Variants in RAD54B observed in about 807,000 individuals in gnomAD.
The protein encoded by RAD54B is DNA repair and recombination protein RAD54B.
A neutral mutation model predicts 95.8 loss-of-function variants in RAD54B; 78 were observed. The observed-to-expected ratio is 0.81, with a 90% CI of 0.68 to 0.98. The LOEUF is 0.98. Ranked by LOEUF, RAD54B falls within the 50% of genes least tolerant of loss-of-function variation. RAD54B has a pLI of 0.00. For missense variants in RAD54B, 957 were observed against 1,056.6 expected, an observed-to-expected ratio of 0.91 and a Z score of 1.31; for synonymous variants, 328 against 354.9, an observed-to-expected ratio of 0.92 and a Z score of 0.85.
rs1810699953 is a variant in RAD54B at position 94,380,191 on chromosome 8, T to A, written c.2201A>T (p.His734Leu). 6.2e-7 allele frequency: 1 copy of A among 1,613,052 alleles called. No homozygotes were observed. Among genetic ancestry groups the A allele is most frequent in the Non-Finnish European group, 8.5e-7 (1 of 1,179,212 alleles). ...CCAATCAATGTCATAGAGAATTAAG[T>A]GAGATCCTCCAATGAGGTTAAGTCC... ...GVGLNLIGGS[H>L]LILYDIDWNP... Residue 734 changes from histidine (H) to leucine (L), a missense_variant, in exon 12 of 15, where the codon CAC becomes CTC. Transcript: ENST00000336148.
intron 3 of RAD54B, among the ~76,000 whole-genome samples, chr8:94,440,014 G>A (rs1358292984): frequency 6.6e-6 from 1 of 152,162 alleles, no homozygotes; most frequent in Non-Finnish European, 1.5e-5. Flanking sequence ...GGCTTTGCAC[G>A]ACCATTTCAA....
chr8:94,468,072 C>T (rs72674819), intron 1 of RAD54B: 5 of 152,192 alleles, frequency 3.3e-5, no homozygotes, highest in African/African-American at 1.2e-4. Flanking sequence ...AGTTTTTAGA[C>T]AGAGCTTCAC....
At chr8:94,439,964 G>A (rs1812361509) in intron 3 of RAD54B, among the ~76,000 whole-genome samples, 2 of 152,208 alleles carry the variant, frequency 1.3e-5, no homozygotes, top group East Asian at 3.8e-4. Flanking sequence ...CAAGGGGAAA[G>A]TGGATTCTCT....
intron 3 of RAD54B, chr8:94,429,326 A>C (rs1034405527): frequency 2.0e-6 from 1 of 494,830 alleles, no homozygotes. Flanking sequence ...TTGTATATAC[A>C]TAATTTTTAC....
At chr8:94,421,925 T>C (rs1563650398) in intron 3 of RAD54B, among the ~76,000 whole-genome samples, 2 of 152,250 alleles carry the variant, frequency 1.3e-5, no homozygotes, top group Non-Finnish European at 2.9e-5. Flanking sequence ...TAAATGTGAA[T>C]CTGATAAAGT....
intron 5 of RAD54B, among the ~76,000 whole-genome samples, chr8:94,406,776 C>T (rs183069168): frequency 6.6e-6 from 1 of 152,164 alleles, no homozygotes; most frequent in East Asian, 1.9e-4. Context: ...TACTTTGATT[C>T]GGATTACTTG....
intron 3 of RAD54B, among the ~76,000 whole-genome samples, chr8:94,443,750 C>T (rs1485794212): frequency 6.6e-6 from 1 of 151,906 alleles, no homozygotes; most frequent in East Asian, 1.9e-4. Flanking sequence ...TCCAGAAACC[C>T]TCTTTTGGAA....
rs374610274 is a variant in RAD54B at position 94,414,252 on chromosome 8, T to C, written c.305-2937A>G. On this transcript the variant is annotated intron_variant, in intron 3 of 14. Coordinates refer to ENST00000336148, the MANE Select transcript of RAD54B (RefSeq NM_012415.3). ...CTGAGACAGTGAGGTTTTCTAGATATACAATCATGCCGTCTGCAAACAGGG... is the reference window on the plus strand; with the variant it reads ...CTGAGACAGTGAGGTTTTCTAGATACACAATCATGCCGTCTGCAAACAGGG... 8.5e-5 allele frequency among the ~76,000 whole-genome samples: 13 copies of C among 152,336 alleles called. No homozygotes were observed. In the South Asian group the frequency reaches 1.2e-3, roughly 15 times the overall value.
chr8:94,405,942 T>C (rs192234108), intron 5 of RAD54B, among the ~76,000 whole-genome samples: 2 of 151,950 alleles, frequency 1.3e-5, no homozygotes, highest in East Asian at 1.9e-4. Flanking sequence ...CCTAATTCTA[T>C]CCTTGGCTAA....
intron 2 of RAD54B, among the ~76,000 whole-genome samples, chr8:94,462,726 C>A (rs1360752392): frequency 1.3e-5 from 2 of 152,152 alleles, no homozygotes; most frequent in Admixed American, 6.5e-5. Context: ...TTTTAGGCTT[C>A]TCATGTTACC....
intron 3 of RAD54B, among the ~76,000 whole-genome samples, chr8:94,423,041 A>C (rs918719178): frequency 6.6e-6 from 1 of 151,980 alleles, no homozygotes; most frequent in Admixed American, 6.6e-5. Flanking sequence ...TTTAGAATAT[A>C]ACTCTGTCCT....
chr8:94,425,005 T>C (rs1250552090), intron 3 of RAD54B, among the ~76,000 whole-genome samples: 1 of 142,790 alleles, frequency 7.0e-6, no homozygotes, highest in African/African-American at 2.7e-5. Flanking sequence ...GAGGCTCCAG[T>C]GAGCTGTGAC....
chr8:94,437,671 TATC>T lies in RAD54B; in HGVS notation c.304+20594_304+20596del, dbSNP rs527868738. On this transcript the variant is annotated intron_variant, in intron 3 of 14. Transcript: ENST00000336148. ...TGTATGTGAATTTGCTAGCCTGCCT[TATC>T]ATGTGTAAAAAATCACTGTTCATGG... Among the ~76,000 whole-genome samples the T allele has an allele frequency of 5.3e-5, 8 of 152,328 alleles. No individual in the cohort carries two copies. The East Asian group carries it at 1.3e-3, about 26-fold the overall frequency.
Position 94,411,322 on chromosome 8 carries a change from T to C in RAD54B, c.305-7A>G. 1 of 1,547,960 alleles carries C rather than the reference T, an allele frequency of 6.5e-7. No individual in the cohort carries two copies. The highest frequency in any genetic ancestry group is 8.6e-7 in the Non-Finnish European group (1 of 1,157,878). On this transcript the variant is annotated splice_region_variant and splice_polypyrimidine_tract_variant and intron_variant, in intron 3 of 14. Transcript: ENST00000336148. ...TCTTTAGGAGCCGAATGAACTACAA[T>C]TAAAAAAAAAACACACATTATTAAA...
intron 3 of RAD54B, chr8:94,430,001 G>A (rs965619280): frequency 9.1e-6 from 9 of 985,062 alleles, no homozygotes; most frequent in Admixed American, 1.2e-4. Flanking sequence ...CTCATTGTAC[G>A]TTAAGTCTGA....
intron 10 of RAD54B, 129 bp from the exon 11 acceptor site, chr8:94,387,288 G>C (rs1810911917): frequency 1.4e-6 from 1 of 737,822 alleles, no homozygotes; most frequent in Middle Eastern, 3.9e-4. Context: ...AAACTGTTAG[G>C]TAAATCTTTA....
At chr8:94,413,467 A>C (rs1422383312) in intron 3 of RAD54B, among the ~76,000 whole-genome samples, 1 of 152,212 alleles carries the variant, frequency 6.6e-6, no homozygotes, top group Non-Finnish European at 1.5e-5. Context: ...AGTCTTTTCA[A>C]CAAACATTGC....
chr8:94,417,707 G>GAA (rs1322108825), intron 3 of RAD54B, among the ~76,000 whole-genome samples: 1 of 145,562 alleles, frequency 6.9e-6, no homozygotes, highest in African/African-American at 2.5e-5. Flanking sequence ...CATATGTCTG[G>GAA]AAAAAAAAAA....
chr8:94,454,138 G>A (rs2921389), intron 3 of RAD54B, among the ~76,000 whole-genome samples: 62,799 of 150,984 alleles, frequency 0.42, 13,244 homozygotes, highest in Admixed American at 0.51. Flanking sequence ...TACCATGTGC[G>A]TGCATTACCT....
Sources: gnomAD v4.1 joint callset for allele counts (sites outside exome capture counted in the v4.1 genomes callset) on GRCh38, gnomAD v4.1.1 for gene constraint, MANE v1.5 for transcripts, NCBI Gene and HGNC (gene_info 2026-07-23, HGNC 2026-07-21) for gene names.